Variants in CSMD3 observed in about 807,000 individuals in gnomAD.
The protein encoded by CSMD3 is CUB and sushi domain-containing protein 3.
Under a neutral mutation model 435.2 loss-of-function variants are expected in CSMD3, and 177 were observed. That is an observed-to-expected ratio of 0.41 (90% CI 0.36 to 0.46). The LOEUF is 0.46. Ranked by LOEUF, CSMD3 falls within the 20% of genes least tolerant of loss-of-function variation. The pLI, the probability that CSMD3 is intolerant of heterozygous loss-of-function variation, is 0.34. For missense variants in CSMD3, 4,265 were observed against 4,504.6 expected (o/e 0.95, Z 1.52); for synonymous variants, 1,656 against 1,520.5 (o/e 1.09, Z -2.07).
chr8:113,320,878 G>T, intron 1 of CSMD3, among the ~76,000 whole-genome samples: 1 of 152,076 alleles, frequency 6.6e-6, no homozygotes, highest in East Asian at 1.9e-4. Context: ...TCATTTATCT[G>T]TTTCCACCCT....
intron 10 of CSMD3, among the ~76,000 whole-genome samples, chr8:112,862,264 C>T (rs2080847116): frequency 6.6e-6 from 1 of 151,916 alleles, no homozygotes; most frequent in East Asian, 1.9e-4. Flanking sequence ...TGAGTTTTTG[C>T]ATATTTCTTG....
chr8:112,573,355 T>G, intron 24 of CSMD3, 146 bp downstream of exon 24: 1 of 771,226 alleles, frequency 1.3e-6, no homozygotes, highest in Non-Finnish European at 2.2e-6. Flanking sequence ...CGGGCTGTTG[T>G]TAGGGTCAAA....
chr8:112,548,289 C>CTTTTTT (rs2131176104), intron 27 of CSMD3, among the ~76,000 whole-genome samples: 1 of 152,160 alleles, frequency 6.6e-6, no homozygotes, highest in South Asian at 2.1e-4. Context: ...AGATTGGGAC[C>CTTTTTT]TTTGATGTGG....
At chr8:113,278,510 A>C in intron 3 of CSMD3, 82 bp downstream of exon 3, 1 of 737,344 alleles carries the variant, frequency 1.4e-6, no homozygotes, top group South Asian at 1.4e-5. Context: ...GTTGTCTCAA[A>C]TGTTGATTCT....
chr8:112,749,907 T>G (rs2077527643), intron 13 of CSMD3, among the ~76,000 whole-genome samples: 1 of 152,030 alleles, frequency 6.6e-6, no homozygotes, highest in African/African-American at 2.4e-5. Context: ...GCACAAAGAT[T>G]AGAGTACACT....
chr8:113,389,099 TAGTC>T (rs937500328), intron 1 of CSMD3, among the ~76,000 whole-genome samples: 1 of 151,654 alleles, frequency 6.6e-6, no homozygotes, highest in African/African-American at 2.4e-5. Flanking sequence ...CTGGGATTCA[TAGTC>T]AGTTTGTGTG....
chr8:113,179,790 A>G (rs1478916594), intron 3 of CSMD3, among the ~76,000 whole-genome samples: 8 of 151,856 alleles, frequency 5.3e-5, no homozygotes, highest in Non-Finnish European at 7.4e-5. Flanking sequence ...TCCTTGGATA[A>G]ATGAAATAAA....
chr8:112,864,570 C>T (rs2129946368), intron 10 of CSMD3, among the ~76,000 whole-genome samples: 1 of 151,838 alleles, frequency 6.6e-6, no homozygotes, highest in South Asian at 2.1e-4. Flanking sequence ...TCTTTTATAA[C>T]AAAAATAGTT....
chr8:113,396,942 C>T (rs6469455), intron 1 of CSMD3, among the ~76,000 whole-genome samples: 108,373 of 151,938 alleles, frequency 0.71, 38,901 homozygotes, highest in East Asian at 0.94. Context: ...ATTCCCAGCA[C>T]ATAGAACAGT....
At chr8:113,258,891 T>G (rs1438735820) in intron 3 of CSMD3, among the ~76,000 whole-genome samples, 1 of 152,052 alleles carries the variant, frequency 6.6e-6, no homozygotes, top group Non-Finnish European at 1.5e-5. Flanking sequence ...CCATAAGAAG[T>G]GGTAAGATTA....
intron 3 of CSMD3, among the ~76,000 whole-genome samples, chr8:113,256,429 T>A (rs2093381349): frequency 6.6e-6 from 1 of 152,188 alleles, no homozygotes; most frequent in Admixed American, 6.5e-5. Flanking sequence ...ACTGCCAAAT[T>A]AACTAAAGGA....
At chr8:112,794,746 T>C (rs1052547782) in intron 13 of CSMD3, among the ~76,000 whole-genome samples, 20 of 152,028 alleles carry the variant, frequency 1.3e-4, no homozygotes, top group Admixed American at 6.6e-4. Flanking sequence ...TAAAAGCAGA[T>C]GCAGTCAAAG....
chr8:112,747,162 ATTAT>A (rs942614039), intron 13 of CSMD3, among the ~76,000 whole-genome samples: 8 of 36,742 alleles, frequency 2.2e-4, no homozygotes, highest in Non-Finnish European at 4.4e-4. Flanking sequence ...CATCATTATG[ATTAT>A]TTGTCTGCAC....
chr8:113,253,580 G>A (rs2093352864), intron 3 of CSMD3, among the ~76,000 whole-genome samples: 1 of 151,748 alleles, frequency 6.6e-6, no homozygotes, highest in African/African-American at 2.4e-5. Flanking sequence ...GGTGGCTCAC[G>A]CTTGTAATCC....
intron 5 of CSMD3, among the ~76,000 whole-genome samples, chr8:113,039,242 A>G (rs1427238334): frequency 6.6e-6 from 1 of 152,114 alleles, no homozygotes; most frequent in Non-Finnish European, 1.5e-5. Context: ...AATTAAAGAT[A>G]AAATATGTTT....
chr8:112,743,596 G>C (rs189380125), intron 13 of CSMD3, among the ~76,000 whole-genome samples: 114 of 151,900 alleles, frequency 7.5e-4, no homozygotes, highest in African/African-American at 2.7e-3. Flanking sequence ...TACCAAAATA[G>C]ATATTATTAT....
At chr8:112,854,769 T>G (rs185533860) in intron 11 of CSMD3, among the ~76,000 whole-genome samples, 15 of 152,292 alleles carry the variant, frequency 9.8e-5, no homozygotes, top group Non-Finnish European at 1.6e-4. Flanking sequence ...TTCTGCCAAT[T>G]TCTGCCATTC....
At chr8:113,384,592 T>C (rs2094431615) in intron 1 of CSMD3, among the ~76,000 whole-genome samples, 1 of 152,156 alleles carries the variant, frequency 6.6e-6, no homozygotes, top group African/African-American at 2.4e-5. Context: ...ATCCCAAAGA[T>C]CTGAGACCCA....
intron 1 of CSMD3, among the ~76,000 whole-genome samples, chr8:113,324,078 A>T (rs2093966988): frequency 6.6e-6 from 1 of 152,178 alleles, no homozygotes. Context: ...AGCATTCAAG[A>T]GGTGACTTGG....
Sources: gnomAD v4.1 joint callset for allele counts (sites outside exome capture counted in the v4.1 genomes callset) on GRCh38, gnomAD v4.1.1 for gene constraint, MANE v1.5 for transcripts, NCBI Gene and HGNC (gene_info 2026-07-23, HGNC 2026-07-21) for gene names.